Variants in OR2L13 observed in about 807,000 individuals in gnomAD.
The protein encoded by OR2L13 is olfactory receptor 2L13.
OR2L13 carries 14 observed loss-of-function variants against 15.3 expected under a neutral mutation model. The observed-to-expected ratio is 0.91, with a 90% CI of 0.60 to 1.43. OR2L13 has a LOEUF of 1.43. Ranked by LOEUF, OR2L13 falls within the 40% of genes most tolerant of loss-of-function variation. OR2L13 has a pLI of 0.00. For missense variants in OR2L13, 367 were observed against 387.9 expected (o/e 0.95, Z 0.45); for synonymous variants, 152 against 142.9 (o/e 1.06, Z -0.45).
At chr1:248,014,867 G>T in the OR2L13 span, among the ~76,000 whole-genome samples, 1 of 152,216 alleles carries the variant, frequency 6.6e-6, no homozygotes, top group East Asian at 1.9e-4. Context: ...TAAGAGCTAG[G>T]ATTCCATTTG....
chr1:248,053,541 C>T, the OR2L13 span, among the ~76,000 whole-genome samples: 26 of 152,324 alleles, frequency 1.7e-4, no homozygotes, highest in Admixed American at 8.5e-4. Context: ...CTGTCTTCCA[C>T]GATGGGTGAA....
the OR2L13 span, among the ~76,000 whole-genome samples, chr1:247,983,798 G>A: frequency 0.039 from 5,909 of 152,274 alleles, 355 homozygotes; most frequent in African/African-American, 0.13. Flanking sequence ...ACGAGAACAA[G>A]GTCTGGTAGA....
the OR2L13 span, among the ~76,000 whole-genome samples, chr1:247,974,511 TC>T: frequency 1.3e-5 from 2 of 152,176 alleles, no homozygotes; most frequent in Non-Finnish European, 2.9e-5. Flanking sequence ...TTATAATTGT[TC>T]TATTTTATTT....
At chr1:248,085,698 C>CTGTTT in the OR2L13 span, among the ~76,000 whole-genome samples, 1 of 152,060 alleles carries the variant, frequency 6.6e-6, no homozygotes, top group Non-Finnish European at 1.5e-5. Flanking sequence ...TATAACATTT[C>CTGTTT]TGTTTTGTTT....
chr1:247,982,705 A>G, the OR2L13 span, among the ~76,000 whole-genome samples: 2 of 151,252 alleles, frequency 1.3e-5, no homozygotes, highest in African/African-American at 4.9e-5. Context: ...CCATTTTTCT[A>G]TAAAAATGTA....
the OR2L13 span, among the ~76,000 whole-genome samples, chr1:247,985,932 C>A: frequency 6.6e-6 from 1 of 152,144 alleles, no homozygotes; most frequent in Non-Finnish European, 1.5e-5. Flanking sequence ...CTGTTCATAT[C>A]TTTCACCCAC....
the OR2L13 span, among the ~76,000 whole-genome samples, chr1:247,957,954 T>C: frequency 2.0e-5 from 3 of 152,210 alleles, no homozygotes; most frequent in Non-Finnish European, 4.4e-5. Context: ...AGTTCTGCTC[T>C]GATCTTAGTT....
At chr1:248,049,202 T>G in the OR2L13 span, among the ~76,000 whole-genome samples, 1 of 152,196 alleles carries the variant, frequency 6.6e-6, no homozygotes, top group Non-Finnish European at 1.5e-5. Context: ...TCAGTTTTTC[T>G]TCCTTGTGAT....
chr1:248,072,164 T>C, the OR2L13 span, among the ~76,000 whole-genome samples: 3 of 151,166 alleles, frequency 2.0e-5, no homozygotes, highest in Admixed American at 6.6e-5. Flanking sequence ...GAGCCCACAT[T>C]GCCAACTCAA....
the OR2L13 span, among the ~76,000 whole-genome samples, chr1:247,991,791 A>T: frequency 1.3e-5 from 2 of 149,668 alleles, no homozygotes; most frequent in African/African-American, 5.0e-5. Context: ...ATACATGCTT[A>T]GGCATGTGCC....
chr1:248,069,161 A>T, the OR2L13 span, among the ~76,000 whole-genome samples: 1 of 152,172 alleles, frequency 6.6e-6, no homozygotes, highest in Non-Finnish European at 1.5e-5. Context: ...CAACTCCAAG[A>T]CACATAATTG....
the OR2L13 span, among the ~76,000 whole-genome samples, chr1:247,953,368 G>A: frequency 4.6e-5 from 7 of 152,096 alleles, no homozygotes; most frequent in Admixed American, 2.0e-4. Flanking sequence ...TATATCATGC[G>A]GTATCTATGT....
the OR2L13 span, among the ~76,000 whole-genome samples, chr1:247,962,329 T>C: frequency 2.0e-5 from 3 of 152,150 alleles, no homozygotes; most frequent in Admixed American, 2.0e-4. Flanking sequence ...ACTGATTCAG[T>C]AGACTATTGA....
chr1:248,019,752 C>G, the OR2L13 span, among the ~76,000 whole-genome samples: 1 of 151,144 alleles, frequency 6.6e-6, no homozygotes, highest in African/African-American at 2.4e-5. Flanking sequence ...CCTTCTCCTT[C>G]TCCTTCTTCT....
the OR2L13 span, among the ~76,000 whole-genome samples, chr1:248,031,363 CA>C: frequency 6.6e-6 from 1 of 152,206 alleles, no homozygotes; most frequent in South Asian, 2.1e-4. Flanking sequence ...TGCCCCTCAG[CA>C]CTTGTAAAGT....
At chr1:248,067,784 T>A in the OR2L13 span, among the ~76,000 whole-genome samples, 3 of 152,148 alleles carry the variant, frequency 2.0e-5, no homozygotes, top group Non-Finnish European at 4.4e-5. Flanking sequence ...ATCGGGCCAC[T>A]CCCACCCGAA....
At chr1:247,999,046 G>T in the OR2L13 span, among the ~76,000 whole-genome samples, 1 of 152,070 alleles carries the variant, frequency 6.6e-6, no homozygotes, top group South Asian at 2.1e-4. Flanking sequence ...GAAACTTGCA[G>T]CTTCTCTTCA....
chr1:248,046,271 A>C, the OR2L13 span, among the ~76,000 whole-genome samples: 1 of 152,236 alleles, frequency 6.6e-6, no homozygotes, highest in Admixed American at 6.5e-5. Flanking sequence ...AAAATATGTT[A>C]ATAGATAACT....
chr1:248,046,041 T>A, the OR2L13 span, among the ~76,000 whole-genome samples: 1 of 152,166 alleles, frequency 6.6e-6, no homozygotes, highest in Non-Finnish European at 1.5e-5. Context: ...CTCAGATAGA[T>A]GGTATAATTA....
Sources: gnomAD v4.1 joint callset for allele counts (sites outside exome capture counted in the v4.1 genomes callset) on GRCh38, gnomAD v4.1.1 for gene constraint, MANE v1.5 for transcripts, NCBI Gene and HGNC (gene_info 2026-07-23, HGNC 2026-07-21) for gene names.